The following CFAP44 variants were observed in gnomAD, a reference collection of about 807,000 sequenced individuals.
The protein encoded by CFAP44 is cilia and flagella associated protein 44.
CFAP44 carries 134 observed loss-of-function variants against 216.2 expected under a neutral mutation model. That is an observed-to-expected ratio of 0.62 (90% CI 0.54 to 0.72). The LOEUF (loss-of-function observed/expected upper bound fraction) is 0.72. Ranked by LOEUF, CFAP44 falls within the 30% of genes least tolerant of loss-of-function variation. The pLI is 0.00. For missense variants in CFAP44, 2,035 were observed against 2,182.1 expected, an observed-to-expected ratio of 0.93 and a Z score of 1.34; for synonymous variants, 700 against 727.6, an observed-to-expected ratio of 0.96 and a Z score of 0.61.
At chr3:113,368,592 A>G (rs1272512100) in intron 18 of CFAP44, among the ~76,000 whole-genome samples, 4 of 152,232 alleles carry the variant, frequency 2.6e-5, no homozygotes, top group African/African-American at 9.6e-5. Flanking sequence ...TGAAGGAAGC[A>G]CTAAACATGG....
intron 28 of CFAP44, among the ~76,000 whole-genome samples, chr3:113,309,904 TCTCTCTAG>T (rs1950022475): frequency 6.6e-6 from 1 of 152,138 alleles, no homozygotes; most frequent in Non-Finnish European, 1.5e-5. Flanking sequence ...AAAAGCTTGC[TCTCTCTAG>T]CCAAAGGACC....
At chr3:113,439,616 C>A (rs1935313563) in intron 1 of CFAP44, among the ~76,000 whole-genome samples, 1 of 152,196 alleles carries the variant, frequency 6.6e-6, no homozygotes, top group African/African-American at 2.4e-5. Flanking sequence ...GAATAAACAT[C>A]ATCTTCTTTT....
At chr3:113,344,784 T>C in intron 22 of CFAP44, 72 bp from the exon 23 acceptor site, 1 of 1,282,532 alleles carries the variant, frequency 7.8e-7, no homozygotes, top group East Asian at 2.6e-5. Flanking sequence ...AGTAATAAAA[T>C]AAAACTACAA....
At chr3:113,313,376 G>C (rs1282469840) in intron 28 of CFAP44, among the ~76,000 whole-genome samples, 1 of 152,114 alleles carries the variant, frequency 6.6e-6, no homozygotes, top group East Asian at 1.9e-4. Flanking sequence ...TAACTAGCTT[G>C]CTTTTGATTT....
rs539291744 is a variant in CFAP44 at position 113,438,458 on chromosome 3, A to C, written c.-6+2995T>G. On this transcript the variant is annotated intron_variant, in intron 1 of 34. Coordinates refer to ENST00000393845, the MANE Select transcript of CFAP44 (RefSeq NM_001164496.2). ...AATGGCTGTGTGCCTCAGTACTTCC[A>C]TCTTTAAAATGCAGCACCTACTGGA... is the stretch of plus-strand genomic sequence containing the variant. Among the ~76,000 whole-genome samples the C allele has an allele frequency of 2.0e-5, 3 of 152,298 alleles. No individual in the cohort carries two copies. The South Asian group carries it at 6.2e-4, about 32-fold the overall frequency.
At chr3:113,398,457 A>G (rs1934052368) in intron 13 of CFAP44, among the ~76,000 whole-genome samples, 1 of 152,186 alleles carries the variant, frequency 6.6e-6, no homozygotes, top group African/African-American at 2.4e-5. Context: ...AATCCATATG[A>G]TCATTACTCG....
At chr3:113,409,460 A>C in intron 6 of CFAP44, 138 bp from the exon 7 acceptor site, 1 of 716,444 alleles carries the variant, frequency 1.4e-6, no homozygotes, top group Non-Finnish European at 2.3e-6. Flanking sequence ...AATTCCAAAA[A>C]CATTCTCCAT....
At chr3:113,363,929 A>T (rs565440768) in intron 19 of CFAP44, among the ~76,000 whole-genome samples, 1 of 152,266 alleles carries the variant, frequency 6.6e-6, no homozygotes, top group East Asian at 1.9e-4. Context: ...ATTTGTCCAA[A>T]TACCTCAGTG....
intron 24 of CFAP44, among the ~76,000 whole-genome samples, chr3:113,341,425 AG>A (rs1391243993): frequency 6.6e-6 from 1 of 152,230 alleles, no homozygotes; most frequent in Non-Finnish European, 1.5e-5. Flanking sequence ...AGATGTTAGA[AG>A]AACATACAGG....
At chr3:113,365,892 A>C (rs1950582458) in intron 19 of CFAP44, 147 bp downstream of exon 19, 1 of 847,772 alleles carries the variant, frequency 1.2e-6, no homozygotes, top group Admixed American at 3.0e-5. Context: ...AAGCACCAGA[A>C]AGTCAAATTA....
intron 24 of CFAP44, among the ~76,000 whole-genome samples, chr3:113,339,990 G>T (rs1158990351): frequency 1.3e-5 from 2 of 152,224 alleles, no homozygotes; most frequent in African/African-American, 4.8e-5. Context: ...CTTGGCCAGG[G>T]GAGGAGAGGG....
chr3:113,368,940 C>T (rs1933052980), intron 18 of CFAP44, among the ~76,000 whole-genome samples: 1 of 152,134 alleles, frequency 6.6e-6, no homozygotes, highest in Non-Finnish European at 1.5e-5. Context: ...GGTTGCAATC[C>T]TAGTCTCTGA....
chr3:113,342,861 G>A (rs1001744264), intron 23 of CFAP44, among the ~76,000 whole-genome samples: 2 of 151,616 alleles, frequency 1.3e-5, no homozygotes, highest in African/African-American at 4.8e-5. Context: ...TTAGCCGGGT[G>A]TAATCCCAGT....
At chr3:113,438,464 A>G (rs1935285841) in intron 1 of CFAP44, among the ~76,000 whole-genome samples, 1 of 152,204 alleles carries the variant, frequency 6.6e-6, no homozygotes, top group Non-Finnish European at 1.5e-5. Context: ...TTCCATCTTT[A>G]AAATGCAGCA....
In CFAP44 at chr3:113,426,283, A is replaced by G. The variant is rs1254113931; in HGVS notation, c.254-6T>C. 2 of 1,611,768 alleles carry G rather than the reference A, an allele frequency of 1.2e-6. 1 individual carries two copies. Among genetic ancestry groups the G allele is most frequent in the Admixed American group, 3.4e-5 (2 of 59,392 alleles). On this transcript the variant is annotated splice_polypyrimidine_tract_variant and splice_region_variant and intron_variant, in intron 3 of 34. Transcript: ENST00000393845. The stretch of plus-strand genomic sequence containing the variant: ...AGCAGGGGTTTGCTGAGGTACTAAA[A>G]AAATAAAATAATTTAAGAAGAGTGA...
chr3:113,327,301 T>G (rs1950197213), intron 27 of CFAP44, among the ~76,000 whole-genome samples: 1 of 152,200 alleles, frequency 6.6e-6, no homozygotes, highest in African/African-American at 2.4e-5. Flanking sequence ...AGCTTACTTT[T>G]TTGTTTTTTA....
chr3:113,304,907 T>C (rs1344057879), intron 31 of CFAP44, 129 bp downstream of exon 31: 2 of 719,036 alleles, frequency 2.8e-6, no homozygotes, highest in South Asian at 1.9e-5. Context: ...GTAGGTGTCA[T>C]TCTACAGGTG....
intron 17 of CFAP44, among the ~76,000 whole-genome samples, chr3:113,378,807 C>T (rs11919031): frequency 6.6e-6 from 1 of 152,052 alleles, no homozygotes; most frequent in African/African-American, 2.4e-5. Flanking sequence ...CAGGGTGGCA[C>T]TTAGACCATC....
chr3:113,419,818 T>C (rs1934759311), intron 5 of CFAP44, among the ~76,000 whole-genome samples, 199 bp downstream of exon 5: 1 of 152,186 alleles, frequency 6.6e-6, no homozygotes, highest in Non-Finnish European at 1.5e-5. Flanking sequence ...ATTATAATAG[T>C]GCACAGAGGT....
Sources: gnomAD v4.1 joint callset for allele counts (sites outside exome capture counted in the v4.1 genomes callset) on GRCh38, gnomAD v4.1.1 for gene constraint, MANE v1.5 for transcripts, NCBI Gene and HGNC (gene_info 2026-07-23, HGNC 2026-07-21) for gene names.